The following NXPE2 variants were observed in gnomAD, a reference collection of about 807,000 sequenced individuals.
NXPE2 encodes the protein neurexophilin and PC-esterase domain family member 2.
NXPE2 carries 34 observed loss-of-function variants against 34.4 expected under a neutral mutation model. The ratio of observed to expected loss-of-function variants is 0.99; its 90% CI spans 0.75 to 1.31. The LOEUF (loss-of-function observed/expected upper bound fraction) is 1.31, where lower values mean the gene tolerates loss of function less well. NXPE2 is among the 40% of genes most tolerant of loss of function. NXPE2 has a pLI of 0.00. For missense variants in NXPE2, 649 were observed against 672.5 expected (o/e 0.97, Z 0.39); for synonymous variants, 235 against 231.3 (o/e 1.02, Z -0.15).
At chr11:114,730,793 C>A in the NXPE2 span, among the ~76,000 whole-genome samples, 1 of 152,086 alleles carries the variant, frequency 6.6e-6, no homozygotes, top group African/African-American at 2.4e-5. Flanking sequence ...CAAGAGCCTT[C>A]TGGCAGAGTC....
the NXPE2 span, among the ~76,000 whole-genome samples, chr11:114,532,196 G>A: frequency 6.6e-6 from 1 of 152,190 alleles, no homozygotes; most frequent in Admixed American, 6.5e-5. Flanking sequence ...AGCCAAAGGA[G>A]AGGAGAAACA....
the NXPE2 span, among the ~76,000 whole-genome samples, chr11:114,617,018 G>C: frequency 6.6e-5 from 10 of 151,938 alleles, no homozygotes; most frequent in African/African-American, 2.4e-4. Flanking sequence ...TGGATAATAA[G>C]TATTTCCTCG....
At chr11:114,468,662 A>G in the NXPE2 span, among the ~76,000 whole-genome samples, 1 of 152,192 alleles carries the variant, frequency 6.6e-6, no homozygotes. Flanking sequence ...ATTCTACTGA[A>G]CATTCTAAAA....
At chr11:114,617,212 G>A in the NXPE2 span, among the ~76,000 whole-genome samples, 27 of 149,968 alleles carry the variant, frequency 1.8e-4, no homozygotes, top group Non-Finnish European at 1.9e-4. Context: ...CCACTGTTAC[G>A]CATTGGATAA....
the NXPE2 span, among the ~76,000 whole-genome samples, chr11:114,524,252 A>T: frequency 7.4e-6 from 1 of 134,616 alleles, no homozygotes; most frequent in Non-Finnish European, 1.5e-5. Flanking sequence ...ATAAGAAAGG[A>T]TAGCCATGGG....
the NXPE2 span, among the ~76,000 whole-genome samples, chr11:114,612,436 G>A: frequency 6.6e-6 from 1 of 151,510 alleles, no homozygotes. Flanking sequence ...TTGCCTCGTG[G>A]GTCACCACTG....
At chr11:114,746,351 A>C in the NXPE2 span, among the ~76,000 whole-genome samples, 1 of 152,222 alleles carries the variant, frequency 6.6e-6, no homozygotes. Context: ...TACACTGAAG[A>C]CAAAACAAAA....
At chr11:114,631,896 A>G in the NXPE2 span, among the ~76,000 whole-genome samples, 1 of 151,432 alleles carries the variant, frequency 6.6e-6, no homozygotes, top group Non-Finnish European at 1.5e-5. Context: ...GATAATAAGT[A>G]TTGCCTCGTG....
chr11:114,749,506 A>C, the NXPE2 span, among the ~76,000 whole-genome samples: 1 of 152,132 alleles, frequency 6.6e-6, no homozygotes, highest in Non-Finnish European at 1.5e-5. Flanking sequence ...TTGGCCTCCC[A>C]TATCCACCTG....
At chr11:114,474,409 A>T in the NXPE2 span, among the ~76,000 whole-genome samples, 1 of 152,192 alleles carries the variant, frequency 6.6e-6, no homozygotes, top group African/African-American at 2.4e-5. Flanking sequence ...AGGATCCTAT[A>T]GGAAACCTGA....
At chr11:114,671,007 CCAT>C in the NXPE2 span, among the ~76,000 whole-genome samples, 187 of 148,420 alleles carry the variant, frequency 1.3e-3, no homozygotes, top group African/African-American at 4.3e-3. Context: ...TGGCAATACC[CCAT>C]CAAGGAGAGA....
At chr11:114,513,266 G>T in the NXPE2 span, 13 of 490,314 alleles carry the variant, frequency 2.7e-5, no homozygotes, top group Non-Finnish European at 4.0e-5. Context: ...GCTGTGTGCA[G>T]CACTGGTGGT....
chr11:114,659,518 A>G, the NXPE2 span, among the ~76,000 whole-genome samples: 5 of 105,076 alleles, frequency 4.8e-5, no homozygotes, highest in African/African-American at 6.8e-5. Context: ...TGGTCTAACA[A>G]AAAAAGTTTG....
chr11:114,660,864 A>G, the NXPE2 span, among the ~76,000 whole-genome samples: 1 of 152,154 alleles, frequency 6.6e-6, no homozygotes, highest in Non-Finnish European at 1.5e-5. Flanking sequence ...TCTACATAAA[A>G]TCTACCAGAA....
At chr11:114,709,545 C>G (rs897436677), downstream of NXPE2, among the ~76,000 whole-genome samples, 13 of 152,158 alleles carry the variant, frequency 8.5e-5, no homozygotes, top group Non-Finnish European at 5.9e-5. Context: ...TAGAAATGTT[C>G]TCTATTGCTA....
the NXPE2 span, among the ~76,000 whole-genome samples, chr11:114,621,956 GATA>G: frequency 2.0e-5 from 3 of 152,074 alleles, no homozygotes; most frequent in Non-Finnish European, 2.9e-5. Flanking sequence ...TTACCCTGTG[GATA>G]ATAAGTATGG....
chr11:114,477,206 A>T, the NXPE2 span, among the ~76,000 whole-genome samples: 1 of 152,178 alleles, frequency 6.6e-6, no homozygotes, highest in African/African-American at 2.4e-5. Flanking sequence ...GTTGTCAAGG[A>T]CTTGGAGCAA....
At chr11:114,637,422 G>A in the NXPE2 span, among the ~76,000 whole-genome samples, 1 of 151,958 alleles carries the variant, frequency 6.6e-6, no homozygotes, top group African/African-American at 2.4e-5. Context: ...TATCCAATTT[G>A]CCAGTCTGTG....
chr11:114,793,320 GTTACTACCAC>G, the NXPE2 span, among the ~76,000 whole-genome samples: 2 of 152,150 alleles, frequency 1.3e-5, no homozygotes, highest in East Asian at 3.9e-4. Context: ...TATTTTCTGT[GTTACTACCAC>G]TTTTTTTTTC....
Sources: allele counts gnomAD v4.1 joint callset (sites outside exome capture counted in the v4.1 genomes callset), GRCh38; gene constraint gnomAD v4.1.1; transcripts MANE v1.5; gene names NCBI Gene and HGNC (gene_info 2026-07-23, HGNC 2026-07-21).